The following MAOA variants were observed in gnomAD, a reference collection of about 807,000 sequenced individuals.
MAOA encodes the protein monoamine oxidase A.
A neutral mutation model predicts 42.0 loss-of-function variants in MAOA; 6 were observed. The ratio of observed to expected loss-of-function variants is 0.14; its 90% CI spans 0.08 to 0.28. MAOA has a LOEUF of 0.28. Ranked by LOEUF, MAOA falls within the 10% of genes least tolerant of loss-of-function variation. The pLI is 1.00. For synonymous variants in MAOA, 140 were observed against 154.0 expected (o/e 0.91, Z 0.67); for missense variants, 262 against 422.3 (o/e 0.62, Z 3.33).
Position 43,681,864 on chromosome X carries a change from CTA to C in MAOA, c.74-1633_74-1632del, listed in dbSNP as rs781622470. On this transcript the variant is annotated intron_variant, in intron 1 of 14. Transcript: ENST00000338702. ...AAAAATAAATGTATGCACAATAGCA[CTA>C]TATATATATATATATTTTTTTTTTT... is the stretch of plus-strand genomic sequence containing the variant. Among the ~76,000 whole-genome samples, 109 of 94,956 alleles carry C rather than the reference CTA, an allele frequency of 1.1e-3. 4 individuals carry two copies. The Middle Eastern group carries it at 0.017, about 15-fold the overall frequency. The allele number at this position is 94,956 out of a possible 115,157, so 82.5% of individuals were successfully genotyped here.
intron 5 of MAOA, among the ~76,000 whole-genome samples, chrX:43,716,863 A>C (rs2033747946): frequency 9.1e-6 from 1 of 110,421 alleles, no homozygotes; most frequent in African/African-American, 3.3e-5. Flanking sequence ...ATTTTCAAGG[A>C]ATGACCCACA....
intron 3 of MAOA, 70 bp from the exon 4 acceptor site, chrX:43,711,802 T>C: frequency 2.3e-6 from 2 of 869,503 alleles, no homozygotes; most frequent in Non-Finnish European, 3.4e-6. Flanking sequence ...GCTTTTTTGT[T>C]GTTTTAGAAC....
chrX:43,720,188 G>A lies in MAOA; in HGVS notation c.503+7392G>A, dbSNP rs116813654. ...GGAATGAACCACACAGGTGGTGACT[G>A]GGGGAGGCAGGAAAGGTGGGTGGTG... On this transcript the variant is annotated intron_variant, in intron 5 of 14. Coordinates refer to ENST00000338702, the MANE Select transcript of MAOA (RefSeq NM_000240.4). Among the ~76,000 whole-genome samples, 592 of 110,433 alleles carry A rather than the reference G, an allele frequency of 5.4e-3. 8 individuals carry two copies. Among genetic ancestry groups the A allele is most frequent in the African/African-American group, 0.019 (571 of 30,256 alleles).
intron 1 of MAOA, among the ~76,000 whole-genome samples, chrX:43,659,802 ATCTTT>A (rs1449045372): frequency 1.8e-5 from 2 of 110,938 alleles, no homozygotes; most frequent in Non-Finnish European, 3.8e-5. Flanking sequence ...TTTTGACATA[ATCTTT>A]TCTTTTATCT....
intron 1 of MAOA, among the ~76,000 whole-genome samples, chrX:43,682,330 C>T (rs966186761): frequency 9.0e-6 from 1 of 110,681 alleles, no homozygotes. Flanking sequence ...AAGGCTGTGG[C>T]AGAGAAAGAT....
intron 1 of MAOA, chrX:43,657,963 G>A: frequency 1.4e-6 from 1 of 729,285 alleles, no homozygotes; most frequent in South Asian, 7.0e-5. Context: ...GCAGCTCCTG[G>A]TGGAGAGTAA....
At chrX:43,714,764 A>T (rs754946314) in intron 5 of MAOA, among the ~76,000 whole-genome samples, 73 of 80,320 alleles carry the variant, frequency 9.1e-4, no homozygotes, top group African/African-American at 3.3e-3. Context: ...AACAGGCAAC[A>T]TTAGGTAGTG....
intron 3 of MAOA, among the ~76,000 whole-genome samples, chrX:43,698,896 G>A (rs2033600616): frequency 9.0e-6 from 1 of 111,659 alleles, no homozygotes; most frequent in Non-Finnish European, 1.9e-5. Flanking sequence ...AACCTTAAAG[G>A]TAGATTCTTA....
chrX:43,681,341 G>C (rs772018525), intron 1 of MAOA, among the ~76,000 whole-genome samples: 1 of 110,549 alleles, frequency 9.0e-6, no homozygotes, highest in Non-Finnish European at 1.9e-5. Flanking sequence ...TTTATATCTA[G>C]GACTACAGGG....
chrX:43,715,965 T>C (rs1278252294), intron 5 of MAOA, among the ~76,000 whole-genome samples: 1 of 106,843 alleles, frequency 9.4e-6, no homozygotes, highest in African/African-American at 3.4e-5. Context: ...AGCCACACGG[T>C]TGGTGGCGGG....
intron 9 of MAOA, among the ~76,000 whole-genome samples, chrX:43,735,121 T>C (rs2033910454): frequency 8.9e-6 from 1 of 112,223 alleles, no homozygotes; most frequent in Admixed American, 9.5e-5. Context: ...ACATCTTTGC[T>C]TCTCAAAGTG....
At chrX:43,728,374 C>T in intron 6 of MAOA, 60 bp downstream of exon 6, 2 of 1,116,439 alleles carry the variant, frequency 1.8e-6, no homozygotes, top group South Asian at 1.8e-5. Flanking sequence ...TGCTTTCTCC[C>T]AGGGCAGTGT....
At chrX:43,667,401 G>A (rs953554851) in intron 1 of MAOA, among the ~76,000 whole-genome samples, 5 of 111,234 alleles carry the variant, frequency 4.5e-5, no homozygotes, top group South Asian at 3.8e-4. Flanking sequence ...GATGATGCCC[G>A]GGACTCAGTA....
chrX:43,681,183 T>C (rs952605392), intron 1 of MAOA, among the ~76,000 whole-genome samples: 20 of 111,652 alleles, frequency 1.8e-4, no homozygotes, highest in African/African-American at 5.2e-4. Flanking sequence ...GTAGTGAGAA[T>C]TGATTTTTTA....
In MAOA at chrX:43,745,149, T is replaced by C. The variant is rs2033990058; in HGVS notation, c.*636T>C. 2 of 117,266 alleles carry C rather than the reference T, an allele frequency of 1.7e-5. No individual in the cohort carries two copies. The highest frequency in any genetic ancestry group is 8.4e-5 in the Admixed American group (1 of 11,910). The allele number at this position is 117,266 out of a possible 1,213,427, so 9.7% of individuals were successfully genotyped here. A position where few individuals can be genotyped will look rare whatever the true frequency, so the allele number is the denominator to read the frequency against. On this transcript the variant is annotated 3_prime_UTR_variant, in exon 15 of 15. Transcript: ENST00000338702. ...AGTCCCTCCGACTTCTCTAGACATC[T>C]AGTCTCAGTGCTAGCTTATTTGTAT...
intron 5 of MAOA, among the ~76,000 whole-genome samples, chrX:43,714,976 G>A (rs990348048): frequency 2.7e-5 from 3 of 110,615 alleles, no homozygotes; most frequent in Non-Finnish European, 3.8e-5. Flanking sequence ...ATGGTGGGGA[G>A]ACAGGAAACA....
chrX:43,662,236 G>A (rs1267130044), intron 1 of MAOA, among the ~76,000 whole-genome samples: 1 of 111,143 alleles, frequency 9.0e-6, no homozygotes, highest in Non-Finnish European at 1.9e-5. Context: ...ATTTTTTGCT[G>A]TTTAGGACAC....
intron 3 of MAOA, among the ~76,000 whole-genome samples, chrX:43,703,383 A>G (rs2033638215): frequency 8.9e-6 from 1 of 112,099 alleles, no homozygotes; most frequent in African/African-American, 3.2e-5. Context: ...AAGGGCAGAA[A>G]CTCAGCATGA....
intron 1 of MAOA, among the ~76,000 whole-genome samples, chrX:43,658,317 A>T (rs1267227055): frequency 9.0e-6 from 1 of 111,268 alleles, no homozygotes; most frequent in East Asian, 2.8e-4. Context: ...CCTCTGCCTG[A>T]TTACCTGCTC....
Sources: gnomAD v4.1 joint callset for allele counts (sites outside exome capture counted in the v4.1 genomes callset) on GRCh38, gnomAD v4.1.1 for gene constraint, MANE v1.5 for transcripts, NCBI Gene and HGNC (gene_info 2026-07-23, HGNC 2026-07-21) for gene names.